The following MAGI2 variants were observed in gnomAD, a reference collection of about 807,000 sequenced individuals.
MAGI2 encodes membrane-associated guanylate kinase, WW and PDZ domain-containing protein 2.
In MAGI2, 35 loss-of-function variants were observed where a neutral mutation model predicts 133.3. The ratio of observed to expected loss-of-function variants is 0.26; its 90% CI spans 0.20 to 0.35. The LOEUF (loss-of-function observed/expected upper bound fraction) is 0.35. Among genes scored for constraint, MAGI2 ranks in the 10% least tolerant of loss-of-function variants. The probability of loss-of-function intolerance (pLI) is 1.00; values close to 1 mark genes in which losing one functional copy is unlikely to be tolerated. For synonymous variants in MAGI2, 729 were observed against 710.6 expected (o/e 1.03, Z -0.41); for missense variants, 1,636 against 1,863.4 (o/e 0.88, Z 2.25).
At chr7:78,894,690 C>T (rs573460103) in intron 2 of MAGI2, among the ~76,000 whole-genome samples, 98 of 152,044 alleles carry the variant, frequency 6.4e-4, no homozygotes, top group Non-Finnish European at 1.2e-3. Flanking sequence ...ATAGGCAATA[C>T]GAACAAATAA....
intron 10 of MAGI2, among the ~76,000 whole-genome samples, chr7:78,248,905 A>G (rs544200793): frequency 6.6e-6 from 1 of 152,282 alleles, no homozygotes; most frequent in Non-Finnish European, 1.5e-5. Flanking sequence ...CTGAAAAAGA[A>G]CAATCAACAA....
At chr7:79,292,792 A>C (rs1836606433) in intron 1 of MAGI2, among the ~76,000 whole-genome samples, 1 of 138,934 alleles carries the variant, frequency 7.2e-6, no homozygotes, top group Non-Finnish European at 1.6e-5. Flanking sequence ...AAAAAAAAAA[A>C]AAAAAAAAGG....
intron 16 of MAGI2, among the ~76,000 whole-genome samples, chr7:78,147,852 A>G (rs1341320519): frequency 6.6e-6 from 1 of 151,944 alleles, no homozygotes; most frequent in African/African-American, 2.4e-5. Context: ...ACCACCCCCA[A>G]ACCCCAAAAT....
chr7:79,242,609 G>A (rs1461334994), intron 1 of MAGI2, among the ~76,000 whole-genome samples: 1 of 152,046 alleles, frequency 6.6e-6, no homozygotes, highest in African/African-American at 2.4e-5. Flanking sequence ...GATTTGATGG[G>A]AATAAAAAGA....
At chr7:78,060,766 T>G (rs1813156825) in intron 21 of MAGI2, among the ~76,000 whole-genome samples, 2 of 152,200 alleles carry the variant, frequency 1.3e-5, no homozygotes. Flanking sequence ...CAATGACAAG[T>G]GTTCCCGTGT....
At chr7:78,301,941 G>A (rs11978200) in intron 9 of MAGI2, among the ~76,000 whole-genome samples, 26,681 of 152,024 alleles carry the variant, frequency 0.18, 3,769 homozygotes, top group African/African-American at 0.38. Context: ...GGTGATAACA[G>A]CATGCCTATT....
chr7:78,465,726 C>T (rs138698011), intron 6 of MAGI2, among the ~76,000 whole-genome samples: 64 of 152,192 alleles, frequency 4.2e-4, no homozygotes, highest in African/African-American at 1.4e-3. Flanking sequence ...TATGTTATTC[C>T]ATGGCTATGA....
intron 1 of MAGI2, chr7:79,414,549 T>C (rs2129174105): frequency 6.6e-6 from 1 of 152,190 alleles, no homozygotes; most frequent in South Asian, 2.1e-4. Flanking sequence ...CTTCCAGCCA[T>C]TTTGCAAATG....
intron 4 of MAGI2, among the ~76,000 whole-genome samples, chr7:78,512,257 G>A (rs117916539): frequency 0.017 from 2,570 of 152,244 alleles, 35 homozygotes; most frequent in Non-Finnish European, 0.026. Flanking sequence ...TTGAGGCCAG[G>A]GAGAAAACGT....
chr7:78,759,847 G>A (rs1417521033), intron 2 of MAGI2, among the ~76,000 whole-genome samples: 3 of 152,142 alleles, frequency 2.0e-5, no homozygotes, highest in African/African-American at 7.2e-5. Flanking sequence ...AAATAAAGGA[G>A]GCTGGGGATG....
At position 78,389,217 on chromosome 7, in the gene MAGI2, C is replaced by T. The variant is rs1194136176; in HGVS notation, c.1046-20004G>A. On this transcript the variant is annotated intron_variant, in intron 6 of 21. Coordinates refer to ENST00000354212, the MANE Select transcript of MAGI2 (RefSeq NM_012301.4). ...AAAACTGCTGTGATTTATGGTTCTG[C>T]AGTGAGAAGCGAGAGTTGAAAAACT... Among the ~76,000 whole-genome samples, 3 of 152,222 alleles carry T rather than the reference C, an allele frequency of 2.0e-5. No homozygotes were observed. The East Asian group carries it at 5.8e-4, about 29-fold the overall frequency.
At position 79,434,738 on chromosome 7, in the gene MAGI2, G is replaced by A. The variant is rs114858683; in HGVS notation, c.301+18282C>T. On this transcript the variant is annotated intron_variant, in intron 1 of 21. Coordinates refer to ENST00000354212, the MANE Select transcript of MAGI2 (RefSeq NM_012301.4). ...GACAGAGGTTCTTAAAGTGTGCGAC[G>A]GTCAATCTTATGTATTAACTTGACT... Among the ~76,000 whole-genome samples the A allele has an allele frequency of 8.8e-3, 1,342 of 152,194 alleles. 13 individuals carry two copies. Among genetic ancestry groups the A allele is most frequent in the African/African-American group, 0.031 (1,284 of 41,536 alleles).
At chr7:79,396,222 A>C (rs7792796) in intron 1 of MAGI2, among the ~76,000 whole-genome samples, 37,428 of 151,928 alleles carry the variant, frequency 0.25, 5,976 homozygotes, top group African/African-American at 0.44. Context: ...TCAGCAGCAA[A>C]TGTGTGTCAT....
At chr7:78,317,128 T>G (rs1787495527) in intron 9 of MAGI2, among the ~76,000 whole-genome samples, 2 of 152,244 alleles carry the variant, frequency 1.3e-5, no homozygotes, top group Non-Finnish European at 2.9e-5. Context: ...ATTGATTTTT[T>G]CTTTTGCATT....
At chr7:78,787,620 A>G (rs888646958) in intron 2 of MAGI2, among the ~76,000 whole-genome samples, 8 of 152,240 alleles carry the variant, frequency 5.3e-5, no homozygotes, top group Non-Finnish European at 1.2e-4. Context: ...TGCCAAAACC[A>G]TCAAGTTAAT....
intron 2 of MAGI2, among the ~76,000 whole-genome samples, chr7:78,794,873 A>G (rs1202425347): frequency 6.6e-6 from 1 of 152,044 alleles, no homozygotes; most frequent in Non-Finnish European, 1.5e-5. Context: ...GATGCATCCT[A>G]TTTTCACTAT....
At chr7:78,534,621 A>G (rs2150637591) in intron 3 of MAGI2, among the ~76,000 whole-genome samples, 1 of 152,320 alleles carries the variant, frequency 6.6e-6, no homozygotes, top group South Asian at 2.1e-4. Context: ...ACATTCACAA[A>G]TCCAAGAGCT....
chr7:78,286,978 C>T (rs564650195), intron 9 of MAGI2, among the ~76,000 whole-genome samples: 1 of 152,264 alleles, frequency 6.6e-6, no homozygotes, highest in Admixed American at 6.5e-5. Flanking sequence ...CATAAGGCTG[C>T]ACATGGTAAG....
chr7:78,826,649 A>T (rs1790678897), intron 2 of MAGI2, among the ~76,000 whole-genome samples: 1 of 152,176 alleles, frequency 6.6e-6, no homozygotes, highest in Admixed American at 6.5e-5. Flanking sequence ...ATCTTAATTT[A>T]TGCAAATTAA....
Sources: gnomAD v4.1 joint callset for allele counts (sites outside exome capture counted in the v4.1 genomes callset) on GRCh38, gnomAD v4.1.1 for gene constraint, MANE v1.5 for transcripts, NCBI Gene and HGNC (gene_info 2026-07-23, HGNC 2026-07-21) for gene names.